LAMC3: variants seen among roughly 807,000 people sequenced by gnomAD.
LAMC3 encodes the protein laminin subunit gamma-3.
A neutral mutation model predicts 173.8 loss-of-function variants in LAMC3; 128 were observed. The ratio of observed to expected loss-of-function variants is 0.74; its 90% confidence interval spans 0.64 to 0.85. LAMC3 has a LOEUF of 0.85. Ranked by LOEUF, LAMC3 falls within the 40% of genes least tolerant of loss-of-function variation. LAMC3 has a pLI of 0.00. For missense variants in LAMC3, 2,022 were observed against 2,156.0 expected, an observed-to-expected ratio of 0.94 and a Z score of 1.23; for synonymous variants, 897 against 909.1, an observed-to-expected ratio of 0.99 and a Z score of 0.24.
At chr9:131,056,520 C>T (rs1187277353) in intron 11 of LAMC3, among the ~76,000 whole-genome samples, 4 of 145,674 alleles carry the variant, frequency 2.7e-5, no homozygotes, top group Non-Finnish European at 4.5e-5. Context: ...AATCAACCAG[C>T]GCAGTGGCTC....
chr9:131,011,323 A>G (rs1833412314), intron 1 of LAMC3, among the ~76,000 whole-genome samples: 1 of 152,248 alleles, frequency 6.6e-6, no homozygotes, highest in South Asian at 2.1e-4. Flanking sequence ...ATTGAGGCTC[A>G]GAGAGGTTGT....
At chr9:131,081,044 C>T (rs1253191930) in intron 23 of LAMC3, among the ~76,000 whole-genome samples, 1 of 152,236 alleles carries the variant, frequency 6.6e-6, no homozygotes, top group African/African-American at 2.4e-5. Flanking sequence ...CATGCCCACT[C>T]AGCAGTCCCT....
chr9:131,086,900 A>G (rs1588171542), intron 25 of LAMC3, among the ~76,000 whole-genome samples: 1 of 151,112 alleles, frequency 6.6e-6, no homozygotes. Flanking sequence ...AAAAAAAAAA[A>G]GAAAAAAAAG....
chr9:131,022,444 G>C (rs142018770), intron 1 of LAMC3, among the ~76,000 whole-genome samples: 1 of 151,740 alleles, frequency 6.6e-6, no homozygotes, highest in East Asian at 1.9e-4. Flanking sequence ...ACAGCTTTAG[G>C]AGATACAATT....
chr9:131,022,756 T>A (rs751644951), intron 1 of LAMC3, among the ~76,000 whole-genome samples: 4 of 151,728 alleles, frequency 2.6e-5, no homozygotes, highest in African/African-American at 7.3e-5. Context: ...TTATTTATTT[T>A]TTGTAGAGAG....
chr9:131,022,624 G>A (rs1833647770), intron 1 of LAMC3, among the ~76,000 whole-genome samples: 1 of 151,874 alleles, frequency 6.6e-6, no homozygotes, highest in Non-Finnish European at 1.5e-5. Flanking sequence ...GCAGTGGCAC[G>A]ATCACAGCTC....
Position 131,087,796 on chromosome 9 carries a change from T to A in LAMC3, c.4456T>A (p.Ser1486Thr), listed in dbSNP as rs1830358447. The A allele has an allele frequency of 6.2e-7, 1 of 1,614,046 alleles. No homozygotes were observed. The highest frequency in any genetic ancestry group is 1.3e-5 in the African/African-American group (1 of 75,050). The part of the protein sequence containing the change: ...ISLEKDIETL[S>T]ELLARLGSLD... ...ACTGGAGAAGGACATCGAGACCTTG[T>A]CAGAGCTGCTTGCCAGGCTGGGTAA... is the stretch of plus-strand genomic sequence containing the variant. Residue 1486 changes from serine (S) to threonine (T), a missense_variant, in exon 27 of 28, where the codon TCA (serine) becomes ACA (threonine). Transcript: ENST00000361069.
intron 11 of LAMC3, among the ~76,000 whole-genome samples, chr9:131,055,825 C>G (rs1279786847): frequency 6.6e-6 from 1 of 151,940 alleles, no homozygotes; most frequent in Non-Finnish European, 1.5e-5. Flanking sequence ...TAAGAAATGT[C>G]ACTGACATTT....
At chr9:131,068,055 C>A in intron 14 of LAMC3, 23 bp from the exon 15 acceptor site, 1 of 1,606,540 alleles carries the variant, frequency 6.2e-7, no homozygotes, top group South Asian at 1.1e-5. Context: ...GTTCCCAACA[C>A]CCCTTCCTGC....
At chr9:131,023,741 T>G (rs1307878452) in intron 1 of LAMC3, among the ~76,000 whole-genome samples, 1 of 152,062 alleles carries the variant, frequency 6.6e-6, no homozygotes, top group Non-Finnish European at 1.5e-5. Flanking sequence ...CCAAGCAGCT[T>G]GGAGGCACGG....
intron 1 of LAMC3, among the ~76,000 whole-genome samples, chr9:131,023,330 C>CT (rs1325683340): frequency 6.6e-6 from 1 of 152,194 alleles, no homozygotes; most frequent in African/African-American, 2.4e-5. Context: ...AACCCTGTGT[C>CT]TAACATTTTG....
intron 4 of LAMC3, among the ~76,000 whole-genome samples, chr9:131,038,104 G>A (rs1480026668): frequency 7.2e-5 from 11 of 152,142 alleles, no homozygotes; most frequent in Non-Finnish European, 1.2e-4. Context: ...CGCCCTTCCC[G>A]CCCCCTCTTC....
At chr9:131,021,305 A>C (rs1833620036) in intron 1 of LAMC3, 1 of 152,142 alleles carries the variant, frequency 6.6e-6, no homozygotes, top group Non-Finnish European at 1.5e-5. Context: ...AAATAGATGC[A>C]TTGTTTTTAG....
chr9:131,012,711 C>T (rs1355317225), intron 1 of LAMC3, among the ~76,000 whole-genome samples: 1 of 152,248 alleles, frequency 6.6e-6, no homozygotes, highest in East Asian at 1.9e-4. Flanking sequence ...CTGATGACCT[C>T]TCCTCCTGGT....
intron 1 of LAMC3, among the ~76,000 whole-genome samples, chr9:131,017,184 G>C (rs994651301): frequency 6.6e-6 from 1 of 152,154 alleles, no homozygotes; most frequent in African/African-American, 2.4e-5. Flanking sequence ...GGGCTGCTGC[G>C]GGTCACCGGC....
chr9:131,061,187 G>C lies in LAMC3; in HGVS notation c.2311G>C (p.Glu771Gln). The C allele has an allele frequency of 6.2e-7, 1 of 1,610,212 alleles. No homozygotes were observed. Among genetic ancestry groups the C allele is most frequent in the Non-Finnish European group, 8.5e-7 (1 of 1,179,916 alleles). The change falls in exon 13 of 28, where the codon GAG becomes CAG. Residue 771 changes from glutamate to glutamine, a missense_variant. By Grantham distance (29) the Glu-to-Gln change is conservative. Transcript: ENST00000361069. ...CTGTACGACCATCCCAGAGAGCCGG[G>C]AGGTGGTGTGTACCCACTGCCCCCC... is the stretch of plus-strand genomic sequence containing the variant. Reference protein sequence around the residue: ...SACTTIPESREVVCTHCPPGQ... With the variant: ...SACTTIPESRQVVCTHCPPGQ...
At chr9:131,078,501 A>G (rs1040012757) in intron 22 of LAMC3, among the ~76,000 whole-genome samples, 6 of 152,086 alleles carry the variant, frequency 3.9e-5, no homozygotes, top group African/African-American at 1.5e-4. Context: ...AAACAAAACA[A>G]AACAAAAAAA....
intron 1 of LAMC3, among the ~76,000 whole-genome samples, chr9:131,010,634 T>C (rs1216925920): frequency 6.6e-6 from 1 of 152,226 alleles, no homozygotes; most frequent in African/African-American, 2.4e-5. Flanking sequence ...TCGGGTGGGT[T>C]CTGGAAGATA....
At position 131,039,249 on chromosome 9, in the gene LAMC3, G is replaced by C; in HGVS notation, c.1283+1G>C. On this transcript the variant is annotated splice_donor_variant, in intron 6 of 27. Transcript: ENST00000361069. LOFTEE classifies it high-confidence loss of function. ...ACTCGCTCAGTGAGGGAGGCTGCAG[G>C]TGAGGGCGAGGGGCGGCCCAGTATG... 1 of 1,602,806 alleles carries C rather than the reference G, an allele frequency of 6.2e-7. No individual in the cohort carries two copies. Among genetic ancestry groups the C allele is most frequent in the Non-Finnish European group, 8.5e-7 (1 of 1,179,436 alleles).
Sources: gnomAD v4.1 joint callset for allele counts (sites outside exome capture counted in the v4.1 genomes callset) on GRCh38, gnomAD v4.1.1 for gene constraint, MANE v1.5 for transcripts, NCBI Gene and HGNC (gene_info 2026-07-23, HGNC 2026-07-21) for gene names.